Variants in DTWD2 observed in about 807,000 individuals in gnomAD.
DTWD2 encodes the protein tRNA-uridine aminocarboxypropyltransferase 2.
Under a neutral mutation model 31.8 loss-of-function variants are expected in DTWD2, and 39 were observed. The ratio of observed to expected loss-of-function variants is 1.22; its 90% confidence interval spans 0.95 to 1.60. The LOEUF (loss-of-function observed/expected upper bound fraction) is 1.60. Ranked by LOEUF, DTWD2 falls within the 40% of genes most tolerant of loss-of-function variation. The pLI, the probability that DTWD2 is intolerant of heterozygous loss-of-function variation, is 0.00. For missense variants in DTWD2, 515 were observed against 381.5 expected (o/e 1.35, Z -2.92); for synonymous variants, 180 against 142.8 (o/e 1.26, Z -1.86).
chr5:118,854,985 G>T (rs1244543348), intron 4 of DTWD2, among the ~76,000 whole-genome samples: 1 of 151,648 alleles, frequency 6.6e-6, no homozygotes, highest in African/African-American at 2.4e-5. Flanking sequence ...GACTAGCCTG[G>T]GCAACAGGCC....
At chr5:118,895,210 T>C (rs1459022980) in intron 4 of DTWD2, among the ~76,000 whole-genome samples, 2 of 152,146 alleles carry the variant, frequency 1.3e-5, no homozygotes, top group Non-Finnish European at 1.5e-5. Flanking sequence ...AGCATTTCCA[T>C]ATACTAGCAG....
chr5:118,935,527 TGCTC>T, intron 3 of DTWD2, among the ~76,000 whole-genome samples: 1 of 152,246 alleles, frequency 6.6e-6, no homozygotes, highest in African/African-American at 2.4e-5. Flanking sequence ...CTTGCTTGCT[TGCTC>T]GCTCGCTTGC....
At chr5:118,987,426 T>C (rs299205) in intron 1 of DTWD2, among the ~76,000 whole-genome samples, 118,067 of 152,150 alleles carry the variant, frequency 0.78, 46,617 homozygotes, top group East Asian at 0.99. Flanking sequence ...GCAGTAAAGA[T>C]CTTCAACCAT....
At chr5:118,982,351 T>C (rs997302555) in intron 1 of DTWD2, among the ~76,000 whole-genome samples, 1 of 152,202 alleles carries the variant, frequency 6.6e-6, no homozygotes, top group Non-Finnish European at 1.5e-5. Flanking sequence ...AAAGCTCTAA[T>C]GTGGTTTTTA....
chr5:118,903,733 G>C (rs1753266252), intron 4 of DTWD2, among the ~76,000 whole-genome samples: 1 of 151,654 alleles, frequency 6.6e-6, no homozygotes, highest in South Asian at 2.1e-4. Flanking sequence ...AAATAAAATT[G>C]AATTTCCTGG....
chr5:118,938,039 G>T (rs1208841760), intron 3 of DTWD2, among the ~76,000 whole-genome samples: 1 of 152,146 alleles, frequency 6.6e-6, no homozygotes, highest in Non-Finnish European at 1.5e-5. Flanking sequence ...CACTGTACAT[G>T]ATAAATATAA....
intron 3 of DTWD2, among the ~76,000 whole-genome samples, chr5:118,931,722 G>C (rs1343949413): frequency 1.4e-5 from 2 of 146,312 alleles, no homozygotes; most frequent in Non-Finnish European, 3.1e-5. Flanking sequence ...GGCCTGAACA[G>C]CATTATCAAT....
At chr5:118,889,995 G>C (rs1429068626) in intron 4 of DTWD2, among the ~76,000 whole-genome samples, 2 of 152,096 alleles carry the variant, frequency 1.3e-5, no homozygotes, top group African/African-American at 4.8e-5. Flanking sequence ...TCCATTTTCT[G>C]ACAAAAGAAA....
intron 4 of DTWD2, among the ~76,000 whole-genome samples, chr5:118,877,018 G>A (rs1752636040): frequency 6.6e-6 from 1 of 152,172 alleles, no homozygotes; most frequent in African/African-American, 2.4e-5. Flanking sequence ...ACATCAAAAA[G>A]CTTATCCACC....
At chr5:118,985,798 T>A (rs1450132733) in intron 1 of DTWD2, among the ~76,000 whole-genome samples, 1 of 152,126 alleles carries the variant, frequency 6.6e-6, no homozygotes, top group Non-Finnish European at 1.5e-5. Context: ...TACAAATACT[T>A]TTACTTTGAA....
intron 4 of DTWD2, among the ~76,000 whole-genome samples, chr5:118,858,934 G>T (rs1219962334): frequency 6.6e-6 from 1 of 152,116 alleles, no homozygotes; most frequent in Non-Finnish European, 1.5e-5. Flanking sequence ...TTTTAAGTAA[G>T]AAAATTTCAA....
chr5:118,840,850 T>A lies in DTWD2; in HGVS notation c.*67A>T. 1 of 1,530,610 alleles carries A rather than the reference T, an allele frequency of 6.5e-7. No individual in the cohort carries two copies. The highest frequency in any genetic ancestry group is 2.0e-5 in the Admixed American group (1 of 49,416). The allele number at this position is 1,530,610 out of a possible 1,614,324, so 94.8% of individuals were successfully genotyped here. ...AAGTCAAAAACCTACAGACCTTAAC[T>A]ATATGAAAACTTAATTTGGTATTGT... On this transcript the variant is annotated 3_prime_UTR_variant, in exon 6 of 6. Coordinates refer to ENST00000510708, the MANE Select transcript of DTWD2 (RefSeq NM_173666.4).
chr5:118,909,478 C>A (rs549943567), intron 4 of DTWD2, among the ~76,000 whole-genome samples: 34 of 152,308 alleles, frequency 2.2e-4, no homozygotes, highest in African/African-American at 7.9e-4. Flanking sequence ...TTCACCTTCT[C>A]AGACTTCACT....
intron 4 of DTWD2, among the ~76,000 whole-genome samples, chr5:118,917,694 G>A (rs778991887): frequency 5.3e-5 from 8 of 152,146 alleles, no homozygotes; most frequent in Non-Finnish European, 1.0e-4. Flanking sequence ...CCAATTGGCC[G>A]GGCACAGTGG....
intron 2 of DTWD2, among the ~76,000 whole-genome samples, chr5:118,944,133 T>C (rs1020064980): frequency 9.2e-5 from 14 of 152,188 alleles, no homozygotes; most frequent in Non-Finnish European, 1.8e-4. Context: ...TCATCTAAAA[T>C]AAACCAAAAA....
chr5:118,895,817 A>C (rs989098990), intron 4 of DTWD2, among the ~76,000 whole-genome samples: 1 of 152,326 alleles, frequency 6.6e-6, no homozygotes, highest in African/African-American at 2.4e-5. Context: ...CCACATGCAG[A>C]AGGATAGAAC....
chr5:118,876,610 T>C (rs1030847254), intron 4 of DTWD2, among the ~76,000 whole-genome samples: 2 of 152,156 alleles, frequency 1.3e-5, no homozygotes, highest in Non-Finnish European at 1.5e-5. Context: ...AACACCTCTA[T>C]GCACATAAAC....
intron 4 of DTWD2, among the ~76,000 whole-genome samples, chr5:118,874,936 A>T (rs553231795): frequency 6.6e-6 from 1 of 152,294 alleles, no homozygotes; most frequent in South Asian, 2.1e-4. Context: ...TCAAAATTAA[A>T]GAAAAAAAAT....
intron 5 of DTWD2, 142 bp from the exon 6 acceptor site, chr5:118,841,229 T>C (rs568139611): frequency 1.1e-4 from 88 of 802,314 alleles, no homozygotes; most frequent in Middle Eastern, 6.8e-4. Flanking sequence ...GGCACTCTGA[T>C]AAATATATAA....
Sources: gnomAD v4.1 joint callset for allele counts (sites outside exome capture counted in the v4.1 genomes callset) on GRCh38, gnomAD v4.1.1 for gene constraint, MANE v1.5 for transcripts, NCBI Gene and HGNC (gene_info 2026-07-23, HGNC 2026-07-21) for gene names.